Variants in MIOS observed in about 807,000 individuals in gnomAD.
The protein encoded by MIOS is GATOR2 complex protein MIOS.
MIOS carries 52 observed loss-of-function variants against 96.9 expected under a neutral mutation model. The ratio of observed to expected loss-of-function variants is 0.54; its 90% CI spans 0.43 to 0.68. The LOEUF (loss-of-function observed/expected upper bound fraction) is 0.68, where lower values mean the gene tolerates loss of function less well. Among genes scored for constraint, MIOS ranks in the 30% least tolerant of loss-of-function variants. MIOS has a pLI of 0.00. For missense variants in MIOS, 1,005 were observed against 1,052.8 expected (o/e 0.95, Z 0.63); for synonymous variants, 397 against 359.5 (o/e 1.10, Z -1.18).
chr7:7,569,835 C>T (rs1371975592), intron 3 of MIOS, among the ~76,000 whole-genome samples: 1 of 152,086 alleles, frequency 6.6e-6, no homozygotes, highest in Non-Finnish European at 1.5e-5. Flanking sequence ...GTGCTCTAAC[C>T]AGAGGAAACA....
At chr7:7,599,593 A>AG (rs1784311714) in intron 11 of MIOS, among the ~76,000 whole-genome samples, 1 of 152,156 alleles carries the variant, frequency 6.6e-6, no homozygotes, top group Non-Finnish European at 1.5e-5. Flanking sequence ...AACATGAACT[A>AG]GGGTGAAGAG....
chr7:7,577,516 A>C (rs531951024), intron 5 of MIOS, among the ~76,000 whole-genome samples: 1 of 152,342 alleles, frequency 6.6e-6, no homozygotes, highest in African/African-American at 2.4e-5. Flanking sequence ...TCTGTTTTCA[A>C]CATGGGATTA....
chr7:7,580,898 G>C (rs1332417966), intron 5 of MIOS, among the ~76,000 whole-genome samples: 1 of 150,030 alleles, frequency 6.7e-6, no homozygotes, highest in African/African-American at 2.4e-5. Context: ...TGTTGGCTGG[G>C]CTGTTCTCGA....
chr7:7,593,844 G>A (rs1350116189), intron 9 of MIOS, among the ~76,000 whole-genome samples: 6 of 134,278 alleles, frequency 4.5e-5, no homozygotes, highest in Admixed American at 4.3e-4. Flanking sequence ...GTGCCACTGC[G>A]CTCCAGCCTG....
Position 7,572,660 on chromosome 7 carries a change from A to G in MIOS, c.185A>G (p.Tyr62Cys), listed in dbSNP as rs1439695128. Residue 62 changes from tyrosine to cysteine, a missense_variant, in exon 4 of 13, where the codon TAT becomes TGT. Transcript: ENST00000340080. The surrounding 1 kb of genome is among the most constrained non-coding windows in gnomAD (Gnocchi z 4.8). Reference protein sequence around the residue: ...TLLSINSDTPYMKCVAWYLNY... With the variant: ...TLLSINSDTPCMKCVAWYLNY... ...CTGTCAATAAATTCAGATACACCCTATATGAAATGTGTTGCCTGGTATCTT... is the reference window on the plus strand; with the variant it reads ...CTGTCAATAAATTCAGATACACCCTGTATGAAATGTGTTGCCTGGTATCTT... 6.2e-7 allele frequency: 1 copy of G among 1,614,172 alleles called. No homozygotes were observed. The highest frequency in any genetic ancestry group is 8.5e-7 in the Non-Finnish European group (1 of 1,180,014).
At chr7:7,595,586 C>T (rs73340646) in intron 10 of MIOS, among the ~76,000 whole-genome samples, 7,075 of 152,110 alleles carry the variant, frequency 0.047, 508 homozygotes, top group African/African-American at 0.16. Flanking sequence ...AGGTATACCA[C>T]ATTAAATCAC....
At chr7:7,587,497 T>C (rs2115426575) in intron 7 of MIOS, among the ~76,000 whole-genome samples, 1 of 152,332 alleles carries the variant, frequency 6.6e-6, no homozygotes, top group South Asian at 2.1e-4. Flanking sequence ...AGTACTGAAT[T>C]GGGAAGTCGG....
chr7:7,574,220 C>T (rs778301366), intron 5 of MIOS, 24 bp downstream of exon 5: 2 of 1,525,570 alleles, frequency 1.3e-6, no homozygotes, highest in Non-Finnish European at 1.8e-6. Context: ...ATTTCATTTT[C>T]TCCAATATGT....
Position 7,573,993 on chromosome 7 carries a change from C to A in MIOS, c.1295-105C>A. Reference sequence around the variant, plus strand: ...GTATCTCTGCAATAGAGTCGAACCACCTTATTTACACTGATACTTATTATG... The same window carrying A: ...GTATCTCTGCAATAGAGTCGAACCAACTTATTTACACTGATACTTATTATG... On this transcript the variant is annotated intron_variant, in intron 4 of 12. Coordinates refer to ENST00000340080, the MANE Select transcript of MIOS (RefSeq NM_019005.4). The surrounding 1 kb of genome is among the most constrained non-coding windows in gnomAD (Gnocchi z 5.0). 1 of 981,200 alleles carries A rather than the reference C, an allele frequency of 1.0e-6. No homozygotes were observed. The highest frequency in any genetic ancestry group is 1.5e-6 in the Non-Finnish European group (1 of 671,744). The allele number at this position is 981,200 out of a possible 1,614,324, so 60.8% of individuals were successfully genotyped here.
rs1583637025 is a variant in MIOS at position 7,583,496 on chromosome 7, T to C, written c.1648+124T>C. 3.5e-6 allele frequency: 4 copies of C among 1,131,648 alleles called. No individual in the cohort carries two copies. In the East Asian group the frequency reaches 8.0e-5, roughly 23 times the overall value. 70.1% of individuals were successfully genotyped at this position (1,131,648 alleles called of 1,614,324 possible). On this transcript the variant is annotated intron_variant, in intron 6 of 12. Coordinates refer to ENST00000340080, the MANE Select transcript of MIOS (RefSeq NM_019005.4). ...TCACTTAAAATTTTAATTTAATTTT[T>C]GTTGGAGGAGAAAACACAGCAGTAT...
chr7:7,579,717 G>A (rs572020706), intron 5 of MIOS, among the ~76,000 whole-genome samples: 29 of 152,326 alleles, frequency 1.9e-4, no homozygotes, highest in Middle Eastern at 3.4e-3. Context: ...ACAAATTTGT[G>A]TTGGGCCGCA....
chr7:7,567,958 T>C (rs1377512589), intron 2 of MIOS, 68 bp from the exon 3 acceptor site: 1 of 152,260 alleles, frequency 6.6e-6, no homozygotes, highest in Non-Finnish European at 1.5e-5. Flanking sequence ...CCACCTAATT[T>C]TACTTTTTAA....
At chr7:7,585,867 T>C in intron 7 of MIOS, 62 bp downstream of exon 7, 2 of 1,361,166 alleles carry the variant, frequency 1.5e-6, no homozygotes, top group Non-Finnish European at 2.0e-6. Context: ...TATCTAACTT[T>C]ATTAAAATTT....
At position 7,567,045 on chromosome 7, in the gene MIOS, C is replaced by A. The variant is rs909877829; in HGVS notation, c.-248C>A. 1.3e-5 allele frequency: 2 copies of A among 151,946 alleles called. No individual in the cohort carries two copies. The highest frequency in any genetic ancestry group is 6.6e-5 in the Admixed American group (1 of 15,258). The allele number at this position is 151,946 out of a possible 1,614,324, so 9.4% of individuals were successfully genotyped here. On this transcript the variant is annotated 5_prime_UTR_variant, in exon 1 of 13. The change creates a new upstream start codon in the 5' untranslated region. Transcript: ENST00000340080. ...GGGGCGGTGTCCCGGCCGGAAGCGG[C>A]TGTGCGGCGGCCGCGCTGCCACCTC...
chr7:7,572,468 C>T lies in MIOS; in HGVS notation c.-8C>T. 1.9e-6 allele frequency: 3 copies of T among 1,604,304 alleles called. No homozygotes were observed. The highest frequency in any genetic ancestry group is 2.6e-6 in the Non-Finnish European group (3 of 1,172,758). On this transcript the variant is annotated 5_prime_UTR_variant, in exon 4 of 13. Transcript: ENST00000340080. The surrounding 1 kb of genome is among the most constrained non-coding windows in gnomAD (Gnocchi z 4.8). ...ACCTGAGTGGACCCTTTGATCACAT[C>T]AGTAAACATGAGCGGTACCAAACCT...
At chr7:7,583,821 AATACAAATTGTT>A (rs1365515852) in intron 6 of MIOS, among the ~76,000 whole-genome samples, 1 of 152,180 alleles carries the variant, frequency 6.6e-6, no homozygotes, top group African/African-American at 2.4e-5. Context: ...TATTTAGGCT[AATACAAATTGTT>A]ATAAAAAGCA....
At chr7:7,594,796 C>T (rs1784155209) in intron 9 of MIOS, among the ~76,000 whole-genome samples, 184 bp from the exon 10 acceptor site, 2 of 149,728 alleles carry the variant, frequency 1.3e-5, no homozygotes, top group Admixed American at 1.3e-4. Context: ...TAGTGGAACC[C>T]AGCTTGAGAT....
chr7:7,585,853 T>G, intron 7 of MIOS, 48 bp downstream of exon 7: 3 of 1,430,650 alleles, frequency 2.1e-6, no homozygotes, highest in Non-Finnish European at 2.8e-6. Context: ...AAGATAGGAG[T>G]TTTTATCTAA....
At chr7:7,577,108 G>T (rs1783560370) in intron 5 of MIOS, among the ~76,000 whole-genome samples, 1 of 152,132 alleles carries the variant, frequency 6.6e-6, no homozygotes, top group African/African-American at 2.4e-5. Flanking sequence ...AGAGTAAATG[G>T]AATTGTTTGG....
Sources: gnomAD v4.1 joint callset for allele counts (sites outside exome capture counted in the v4.1 genomes callset) on GRCh38, gnomAD v4.1.1 for gene constraint, Gnocchi (gnomAD v3.1) non-coding constraint, MANE v1.5 for transcripts, NCBI Gene and HGNC (gene_info 2026-07-23, HGNC 2026-07-21) for gene names.